The following LRRC8C variants were observed in gnomAD, a reference collection of about 807,000 sequenced individuals.
The protein encoded by LRRC8C is leucine rich repeat containing 8 VRAC subunit C, also known as volume-regulated anion channel subunit LRRC8C.
A neutral mutation model predicts 55.3 loss-of-function variants in LRRC8C; 20 were observed. That is an observed-to-expected ratio of 0.36 (90% confidence interval 0.25 to 0.53). LRRC8C has a LOEUF of 0.53. Ranked by LOEUF, LRRC8C falls within the 20% of genes least tolerant of loss-of-function variation. The probability of loss-of-function intolerance (pLI) is 0.92; values close to 1 mark genes in which losing one functional copy is unlikely to be tolerated. For missense variants in LRRC8C, 659 were observed against 951.4 expected (o/e 0.69, Z 4.04); for synonymous variants, 376 against 360.7 (o/e 1.04, Z -0.48).
At chr1:89,623,579 G>A in the LRRC8C span, among the ~76,000 whole-genome samples, 79 of 152,186 alleles carry the variant, frequency 5.2e-4, no homozygotes, top group African/African-American at 1.5e-3. Flanking sequence ...AAAATTAGCC[G>A]GGCATGGTGG....
intron 1 of LRRC8C, among the ~76,000 whole-genome samples, chr1:89,683,208 T>G (rs1657770416): frequency 6.6e-6 from 1 of 152,210 alleles, no homozygotes; most frequent in Non-Finnish European, 1.5e-5. Flanking sequence ...TAGGATGAAA[T>G]GTGTCAACAT....
At chr1:89,698,914 T>C (rs1452151598) in intron 2 of LRRC8C, among the ~76,000 whole-genome samples, 1 of 151,920 alleles carries the variant, frequency 6.6e-6, no homozygotes, top group Admixed American at 6.6e-5. Flanking sequence ...CTGGCCATGA[T>C]ATAAATGTTA....
At chr1:89,697,688 C>G (rs1302472495) in intron 2 of LRRC8C, among the ~76,000 whole-genome samples, 1 of 152,118 alleles carries the variant, frequency 6.6e-6, no homozygotes, top group Non-Finnish European at 1.5e-5. Flanking sequence ...TGCCATGGAT[C>G]AAATAATTCA....
chr1:89,635,259 GTAT>G (rs1482305380), intron 1 of LRRC8C, among the ~76,000 whole-genome samples: 1 of 152,088 alleles, frequency 6.6e-6, no homozygotes, highest in African/African-American at 2.4e-5. Context: ...ATACTCTATA[GTAT>G]TATTAAGTTA....
At chr1:89,682,018 A>C (rs1315145143) in intron 1 of LRRC8C, among the ~76,000 whole-genome samples, 1 of 151,992 alleles carries the variant, frequency 6.6e-6, no homozygotes, top group Non-Finnish European at 1.5e-5. Context: ...TCTACTAAAA[A>C]TACAAAAAAT....
At chr1:89,667,881 C>T (rs1043260735) in intron 1 of LRRC8C, among the ~76,000 whole-genome samples, 2 of 152,050 alleles carry the variant, frequency 1.3e-5, no homozygotes, top group African/African-American at 4.8e-5. Context: ...CTTCTGGAAA[C>T]ATTGTGGGAC....
chr1:89,657,760 A>C (rs925253969), intron 1 of LRRC8C, among the ~76,000 whole-genome samples: 3 of 145,678 alleles, frequency 2.1e-5, no homozygotes, highest in African/African-American at 7.7e-5. Flanking sequence ...AAAAAAAAAA[A>C]GATGCTTAGT....
chr1:89,635,535 G>A (rs1179607838), intron 1 of LRRC8C, among the ~76,000 whole-genome samples: 2 of 152,170 alleles, frequency 1.3e-5, no homozygotes, highest in Non-Finnish European at 2.9e-5. Context: ...CTAAGTTAGT[G>A]CCTGAATGAA....
chr1:89,684,527 C>T (rs1468533547), intron 1 of LRRC8C, among the ~76,000 whole-genome samples: 1 of 152,130 alleles, frequency 6.6e-6, no homozygotes, highest in African/African-American at 2.4e-5. Flanking sequence ...TAGAGTAAGA[C>T]AGTACCTTCT....
intron 1 of LRRC8C, among the ~76,000 whole-genome samples, chr1:89,636,817 A>T (rs1412097227): frequency 6.6e-6 from 1 of 152,184 alleles, no homozygotes. Flanking sequence ...CCCACTCCTA[A>T]TGCTATTTTA....
At chr1:89,684,341 T>C (rs550418574) in intron 1 of LRRC8C, among the ~76,000 whole-genome samples, 4 of 152,288 alleles carry the variant, frequency 2.6e-5, no homozygotes, top group African/African-American at 7.2e-5. Flanking sequence ...CAAGGAACAA[T>C]AGACTATAAC....
chr1:89,639,690 AC>A (rs1656402147), intron 1 of LRRC8C, among the ~76,000 whole-genome samples: 1 of 152,268 alleles, frequency 6.6e-6, no homozygotes, highest in African/African-American at 2.4e-5. Context: ...TGTCTTGTTC[AC>A]TGCCATATAT....
At chr1:89,676,411 TCAAA>T (rs1657549729) in intron 1 of LRRC8C, 1 of 152,242 alleles carries the variant, frequency 6.6e-6, no homozygotes, top group African/African-American at 2.4e-5. Context: ...TTTCCTCATC[TCAAA>T]CATTCTCTTC....
At chr1:89,652,208 CAGAA>C (rs1191483358) in intron 1 of LRRC8C, among the ~76,000 whole-genome samples, 1 of 152,198 alleles carries the variant, frequency 6.6e-6, no homozygotes, top group Admixed American at 6.5e-5. Flanking sequence ...GGAAAAGAAT[CAGAA>C]GACCATCACA....
At chr1:89,676,857 A>G (rs149608751) in intron 1 of LRRC8C, among the ~76,000 whole-genome samples, 33 of 152,304 alleles carry the variant, frequency 2.2e-4, no homozygotes, top group African/African-American at 7.9e-4. Context: ...TGGGTGAGGG[A>G]TTCTCTCAGC....
chr1:89,644,448 G>T (rs1273949937), intron 1 of LRRC8C, among the ~76,000 whole-genome samples: 2 of 152,190 alleles, frequency 1.3e-5, no homozygotes, highest in African/African-American at 4.8e-5. Flanking sequence ...ACAGTGCCCA[G>T]ACGAAACCCC....
intron 1 of LRRC8C, among the ~76,000 whole-genome samples, chr1:89,673,254 C>T (rs766728586): frequency 3.3e-5 from 5 of 152,130 alleles, no homozygotes; most frequent in Admixed American, 6.5e-5. Flanking sequence ...TTCAAGCACC[C>T]GCAATCCGCC....
In LRRC8C at chr1:89,714,386, C is replaced by T; in HGVS notation, c.1816C>T (p.His606Tyr). ...CCACTGTGACCTGGAGCGTATTCCT[C>T]ATGCTGTGTTCAGCCTACTCAGCCT... ...LVHCDLERIP[H>Y]AVFSLLSLQE... The change falls in exon 3 of 3, where the codon CAT (histidine) becomes TAT (tyrosine). Residue 606 changes from histidine to tyrosine, a missense_variant. His to Tyr is a moderately conservative substitution (Grantham distance 83, BLOSUM62 2). Transcript: ENST00000370454. The surrounding 1 kb of genome is among the most constrained non-coding windows in gnomAD (Gnocchi z 4.6). 1.2e-6 allele frequency: 2 copies of T among 1,614,096 alleles called. No homozygotes were observed. The highest frequency in any genetic ancestry group is 8.5e-7 in the Non-Finnish European group (1 of 1,179,994).
At chr1:89,656,065 A>G (rs777870864) in intron 1 of LRRC8C, among the ~76,000 whole-genome samples, 3 of 152,250 alleles carry the variant, frequency 2.0e-5, no homozygotes, top group Non-Finnish European at 2.9e-5. Flanking sequence ...TTACAGCGAG[A>G]GGTACAAAGA....
Sources: gnomAD v4.1 joint callset for allele counts (sites outside exome capture counted in the v4.1 genomes callset) on GRCh38, gnomAD v4.1.1 for gene constraint, Gnocchi (gnomAD v3.1) non-coding constraint, MANE v1.5 for transcripts, NCBI Gene and HGNC (gene_info 2026-07-23, HGNC 2026-07-21) for gene names.